The following C3orf49 variants were observed in gnomAD, a reference collection of about 807,000 sequenced individuals.
The protein encoded by C3orf49 is chromosome 3 open reading frame 49.
C3orf49 carries 27 observed loss-of-function variants against 13.3 expected under a neutral mutation model. The observed-to-expected ratio is 2.02, with a 90% CI of 1.49 to 2.79. The LOEUF (loss-of-function observed/expected upper bound fraction) is 2.79, where lower values mean the gene tolerates loss of function less well. Among genes scored for constraint, C3orf49 ranks in the 30% most tolerant of loss-of-function variants. The pLI is 0.00. For missense variants in C3orf49, 242 were observed against 134.2 expected (o/e 1.80, Z -3.97); for synonymous variants, 87 against 47.6 (o/e 1.83, Z -3.40).
At position 63,823,325 on chromosome 3, in the gene C3orf49, T is replaced by C. The variant is rs1036182740; in HGVS notation, c.201T>C (p.Ser67=). The part of the protein sequence containing the change: ...LVPKEESSSD[S]DMGFHESQQN... ...CTAAAGAGGAATCATCCAGTGATAGTGACATGGGATTTCATGAAAGCCAGC... is the reference window on the plus strand; with the variant it reads ...CTAAAGAGGAATCATCCAGTGATAGCGACATGGGATTTCATGAAAGCCAGC... The change falls in exon 2 of 7, where the codon AGT becomes AGC. Residue 67 remains serine (S), a synonymous_variant. Transcript: ENST00000295896. 1.4e-6 allele frequency: 1 copy of C among 703,078 alleles called. No homozygotes were observed. Among genetic ancestry groups the C allele is most frequent in the Non-Finnish European group, 2.6e-6 (1 of 385,012 alleles). The allele number at this position is 703,078 out of a possible 1,614,324, so 43.6% of individuals were successfully genotyped here. A position where few individuals can be genotyped will look rare whatever the true frequency, so the allele number is the denominator to read the frequency against.
intron 5 of C3orf49, among the ~76,000 whole-genome samples, chr3:63,834,652 T>C (rs893864451): frequency 2.0e-5 from 3 of 149,516 alleles, no homozygotes; most frequent in African/African-American, 7.4e-5. Context: ...AGAGCAAGAC[T>C]GTCTTAAAAA....
the C3orf49 span, chr3:63,804,964 G>GA: frequency 1.3e-5 from 2 of 152,114 alleles, no homozygotes; most frequent in Admixed American, 6.5e-5. Context: ...TAGAAGGTAA[G>GA]AAAAAACAGA....
chr3:63,832,561 C>A (rs973650863), intron 5 of C3orf49, among the ~76,000 whole-genome samples: 1 of 151,874 alleles, frequency 6.6e-6, no homozygotes, highest in Non-Finnish European at 1.5e-5. Flanking sequence ...ACTCGGGAGG[C>A]TGACATAGAA....
At chr3:63,823,647 C>G in intron 2 of C3orf49, 78 bp downstream of exon 2, 1 of 627,124 alleles carries the variant, frequency 1.6e-6, no homozygotes, top group Non-Finnish European at 2.9e-6. Context: ...TCTTGCTACA[C>G]CAGTATGGCA....
chr3:63,798,563 T>TATC, the C3orf49 span, among the ~76,000 whole-genome samples: 690 of 152,174 alleles, frequency 4.5e-3, 3 homozygotes, highest in African/African-American at 0.016. Context: ...ATTATTTTAC[T>TATC]ATCATCATCA....
intron 5 of C3orf49, chr3:63,834,255 C>G: frequency 6.5e-7 from 1 of 1,529,894 alleles, no homozygotes; most frequent in Non-Finnish European, 9.0e-7. Context: ...ATTTTATATT[C>G]GATGAACACA....
chr3:63,834,516 T>C (rs973056921), intron 5 of C3orf49, among the ~76,000 whole-genome samples: 3 of 151,676 alleles, frequency 2.0e-5, no homozygotes, highest in Non-Finnish European at 4.4e-5. Context: ...TAAAATTAGC[T>C]GGGTGTGGTG....
chr3:63,839,587 A>G lies in C3orf49; in HGVS notation c.850-5436A>G, dbSNP rs555664821. On this transcript the variant is annotated intron_variant, in intron 5 of 6. Coordinates refer to ENST00000295896, the MANE Select transcript of C3orf49 (RefSeq NM_001355236.2). ...GTGAGTGAAAATTTGATCTACTCAC[A>G]GGACCTTAATATAGGGCCTAAAATC... is the stretch of plus-strand genomic sequence containing the variant. 25 of 1,306,688 alleles carry G rather than the reference A, an allele frequency of 1.9e-5. No homozygotes were observed. The East Asian group carries it at 5.3e-4, about 28-fold the overall frequency. The allele number at this position is 1,306,688 out of a possible 1,614,324, so 80.9% of individuals were successfully genotyped here.
At chr3:63,783,525 TACACACACACACACAC>T in the C3orf49 span, among the ~76,000 whole-genome samples, 23 of 132,024 alleles carry the variant, frequency 1.7e-4, no homozygotes, top group South Asian at 2.6e-4. Flanking sequence ...TACTAAAAAT[TACACACACACACACAC>T]ACACACACAC....
At chr3:63,844,892 A>C (rs1670714202) in intron 5 of C3orf49, 131 bp from the exon 6 acceptor site, 1 of 514,070 alleles carries the variant, frequency 1.9e-6, no homozygotes, top group African/African-American at 1.9e-5. Context: ...GTAAGACGGA[A>C]AATTGTACTG....
chr3:63,809,462 A>C, the C3orf49 span, among the ~76,000 whole-genome samples: 2 of 152,244 alleles, frequency 1.3e-5, no homozygotes, highest in Non-Finnish European at 2.9e-5. Flanking sequence ...AGCACATCTT[A>C]CGTGAGTGAG....
the C3orf49 span, among the ~76,000 whole-genome samples, chr3:63,784,559 C>A: frequency 6.6e-6 from 1 of 152,128 alleles, no homozygotes; most frequent in African/African-American, 2.4e-5. Context: ...CAGAAGACAG[C>A]ATATCCCATT....
rs1701556496 is a variant in C3orf49, at chr3:63,833,124, T to G, written c.849+1280T>G. On this transcript the variant is annotated intron_variant, in intron 5 of 6. Coordinates refer to ENST00000295896, the MANE Select transcript of C3orf49 (RefSeq NM_001355236.2). ...TTTTTTTTTTTTTTTTAGACAGAGT[T>G]TCACTCTTGTTGCCCAGGCTGGAGT... Among the ~76,000 whole-genome samples, 3 of 151,980 alleles carry G rather than the reference T, an allele frequency of 2.0e-5. 1 individual carries two copies. The South Asian group carries it at 6.2e-4, about 32-fold the overall frequency.
At chr3:63,824,515 T>G (rs1701441023) in intron 2 of C3orf49, among the ~76,000 whole-genome samples, 1 of 152,188 alleles carries the variant, frequency 6.6e-6, no homozygotes, top group South Asian at 2.1e-4. Context: ...TACCAATGTT[T>G]GCATTCTCAT....
chr3:63,811,384 C>G, the C3orf49 span, among the ~76,000 whole-genome samples: 7 of 151,756 alleles, frequency 4.6e-5, no homozygotes, highest in Non-Finnish European at 7.4e-5. Flanking sequence ...CAGTGAAACC[C>G]CATCTATATT....
At chr3:63,832,246 TA>T (rs1476302323) in intron 5 of C3orf49, 1 of 157,344 alleles carries the variant, frequency 6.4e-6, no homozygotes, top group Non-Finnish European at 1.4e-5. Flanking sequence ...TATCTTTTGG[TA>T]CTTAATCCTG....
chr3:63,830,706 G>A (rs888857227), intron 3 of C3orf49, among the ~76,000 whole-genome samples: 1 of 152,160 alleles, frequency 6.6e-6, no homozygotes, highest in Non-Finnish European at 1.5e-5. Flanking sequence ...AAGGAAACCT[G>A]CAGAAACGAG....
At chr3:63,797,624 A>G in the C3orf49 span, among the ~76,000 whole-genome samples, 2 of 152,284 alleles carry the variant, frequency 1.3e-5, no homozygotes, top group Admixed American at 1.3e-4. Flanking sequence ...CTATGGTTCC[A>G]GAAGCTTCTG....
chr3:63,844,494 A>T lies in C3orf49; in HGVS notation c.850-529A>T, dbSNP rs180820168. Among the ~76,000 whole-genome samples, 38 of 152,352 alleles carry T rather than the reference A, an allele frequency of 2.5e-4. No homozygotes were observed. In the East Asian group the frequency reaches 7.3e-3, roughly 29 times the overall value. Reference sequence around the variant, plus strand: ...AATACACAATGTTATCTGTCATTTTAAAATAAATACATAAAAAAGAAGGAA... The same window carrying T: ...AATACACAATGTTATCTGTCATTTTTAAATAAATACATAAAAAAGAAGGAA... On this transcript the variant is annotated intron_variant, in intron 5 of 6. Transcript: ENST00000295896.
Sources: gnomAD v4.1 joint callset for allele counts (sites outside exome capture counted in the v4.1 genomes callset) on GRCh38, gnomAD v4.1.1 for gene constraint, MANE v1.5 for transcripts, NCBI Gene and HGNC (gene_info 2026-07-23, HGNC 2026-07-21) for gene names.